PRKCA: variants seen among roughly 807,000 people sequenced by gnomAD.
PRKCA encodes the protein protein kinase C alpha type.
A neutral mutation model predicts 87.0 loss-of-function variants in PRKCA; 27 were observed. The ratio of observed to expected loss-of-function variants is 0.31; its 90% CI spans 0.23 to 0.43. The LOEUF is 0.43. Among genes scored for constraint, PRKCA ranks in the 20% least tolerant of loss-of-function variants. The probability of loss-of-function intolerance (pLI) is 1.00; values close to 1 mark genes in which losing one functional copy is unlikely to be tolerated. For synonymous variants in PRKCA, 329 were observed against 311.1 expected, an observed-to-expected ratio of 1.06 and a Z score of -0.61; for missense variants, 518 against 852.3, an observed-to-expected ratio of 0.61 and a Z score of 4.88.
chr17:66,441,632 AG>A (rs1390038155), intron 2 of PRKCA, among the ~76,000 whole-genome samples: 2 of 152,082 alleles, frequency 1.3e-5, no homozygotes, highest in East Asian at 3.9e-4. Context: ...ACCTCCTCTG[AG>A]TGGAAGTCAA....
At chr17:66,535,529 C>A (rs919568379) in intron 3 of PRKCA, among the ~76,000 whole-genome samples, 1 of 152,172 alleles carries the variant, frequency 6.6e-6, no homozygotes, top group African/African-American at 2.4e-5. Context: ...GGGTGGGTGT[C>A]CCCATCAGCT....
intron 3 of PRKCA, among the ~76,000 whole-genome samples, chr17:66,608,368 C>G (rs1598810688): frequency 6.6e-6 from 1 of 152,138 alleles, no homozygotes; most frequent in South Asian, 2.1e-4. Flanking sequence ...TCTCCAAAGC[C>G]TGCATTAAAC....
At chr17:66,384,381 CTCA>C (rs1250485877) in intron 2 of PRKCA, among the ~76,000 whole-genome samples, 4 of 152,116 alleles carry the variant, frequency 2.6e-5, no homozygotes, top group African/African-American at 9.7e-5. Context: ...GCTTTGGAAA[CTCA>C]TTAAAACCAG....
intron 2 of PRKCA, among the ~76,000 whole-genome samples, chr17:66,453,544 C>G (rs773790140): frequency 5.8e-4 from 88 of 152,216 alleles, no homozygotes; most frequent in Non-Finnish European, 9.7e-4. Context: ...TCTCGAACTC[C>G]TGACCTCAGG....
chr17:66,335,740 T>A (rs1365276728), intron 2 of PRKCA, among the ~76,000 whole-genome samples: 1 of 152,224 alleles, frequency 6.6e-6, no homozygotes, highest in Non-Finnish European at 1.5e-5. Context: ...TTTACCATTT[T>A]ATTTTTAGCC....
intron 2 of PRKCA, among the ~76,000 whole-genome samples, chr17:66,373,884 G>T (rs922603909): frequency 6.6e-6 from 1 of 152,176 alleles, no homozygotes; most frequent in Non-Finnish European, 1.5e-5. Flanking sequence ...CACTTGTTTA[G>T]CACCTACTTA....
At chr17:66,434,459 C>T (rs1038204338) in intron 2 of PRKCA, among the ~76,000 whole-genome samples, 5 of 152,080 alleles carry the variant, frequency 3.3e-5, no homozygotes, top group African/African-American at 1.2e-4. Flanking sequence ...CTTATAGATC[C>T]TGTCCTTGGG....
At chr17:66,561,294 T>G (rs11871468) in intron 3 of PRKCA, among the ~76,000 whole-genome samples, 27,192 of 152,166 alleles carry the variant, frequency 0.18, 2,844 homozygotes, top group African/African-American at 0.28. Flanking sequence ...TTAGCCTGTT[T>G]TAATGCATAA....
intron 2 of PRKCA, among the ~76,000 whole-genome samples, chr17:66,405,210 C>T (rs1205636327): frequency 3.3e-5 from 5 of 152,186 alleles, no homozygotes; most frequent in East Asian, 1.9e-4. Flanking sequence ...GCACTCCACA[C>T]GTGAGGCAGG....
chr17:66,341,423 A>G (rs1907038669), intron 2 of PRKCA, among the ~76,000 whole-genome samples: 1 of 152,222 alleles, frequency 6.6e-6, no homozygotes, highest in African/African-American at 2.4e-5. Flanking sequence ...GCTGTGAGAT[A>G]TCTTTCTGGA....
chr17:66,626,853 T>C (rs1192087756), intron 3 of PRKCA, among the ~76,000 whole-genome samples: 2 of 152,200 alleles, frequency 1.3e-5, no homozygotes, highest in Non-Finnish European at 2.9e-5. Context: ...AAGTGGCTAA[T>C]AGGAGAAACA....
chr17:66,427,728 G>A (rs1267032366), intron 2 of PRKCA, among the ~76,000 whole-genome samples: 1 of 152,194 alleles, frequency 6.6e-6, no homozygotes, highest in African/African-American at 2.4e-5. Context: ...ATAACATCAA[G>A]TGCAGATTTG....
chr17:66,694,480 C>CAAAAAAA (rs57941055), intron 8 of PRKCA, among the ~76,000 whole-genome samples: 4 of 35,214 alleles, frequency 1.1e-4, no homozygotes, highest in African/African-American at 5.4e-4. Context: ...GACTCTGTCT[C>CAAAAAAA]AAAAAAAAAA....
chr17:66,667,736 G>A (rs1972077859), intron 5 of PRKCA, among the ~76,000 whole-genome samples: 1 of 152,184 alleles, frequency 6.6e-6, no homozygotes, highest in Non-Finnish European at 1.5e-5. Flanking sequence ...CTGATGGTAG[G>A]CAGCTTAGAT....
intron 13 of PRKCA, among the ~76,000 whole-genome samples, chr17:66,763,972 C>A (rs1053329190): frequency 9.9e-5 from 15 of 152,124 alleles, no homozygotes; most frequent in Admixed American, 2.0e-4. Context: ...GTAAACTGGG[C>A]GAGTACCCAC....
rs537685506 is a variant in PRKCA at position 66,615,287 on chromosome 17, G to A, written c.289-26068G>A. Among the ~76,000 whole-genome samples, 97 of 152,240 alleles carry A rather than the reference G, an allele frequency of 6.4e-4. 1 individual carries two copies. The South Asian group carries it at 0.019, about 29-fold the overall frequency. On this transcript the variant is annotated intron_variant, in intron 3 of 16. Coordinates refer to ENST00000413366, the MANE Select transcript of PRKCA (RefSeq NM_002737.3). Reference sequence around the variant, plus strand: ...AATGTTTTCTTCTGTTTCAGGCCTCGGTGTGCCCAGCTCAAATGAGGGTTC... The same window carrying A: ...AATGTTTTCTTCTGTTTCAGGCCTCAGTGTGCCCAGCTCAAATGAGGGTTC...
At chr17:66,405,992 G>A (rs1220172903) in intron 2 of PRKCA, among the ~76,000 whole-genome samples, 2 of 152,180 alleles carry the variant, frequency 1.3e-5, no homozygotes, top group Non-Finnish European at 2.9e-5. Flanking sequence ...AAAAAATGTG[G>A]CTTCCTTCCC....
chr17:66,373,052 CCTT>C (rs894862621), intron 2 of PRKCA, among the ~76,000 whole-genome samples: 3 of 151,878 alleles, frequency 2.0e-5, no homozygotes, highest in African/African-American at 7.3e-5. Flanking sequence ...GAGTGAGACT[CCTT>C]CTCAAAAAAG....
chr17:66,528,048 A>T (rs576193476), intron 3 of PRKCA, among the ~76,000 whole-genome samples: 42 of 152,136 alleles, frequency 2.8e-4, no homozygotes, highest in African/African-American at 9.9e-4. Context: ...TCTACTAAAA[A>T]TACAAGAATT....
Sources: gnomAD v4.1 joint callset for allele counts (sites outside exome capture counted in the v4.1 genomes callset) on GRCh38, gnomAD v4.1.1 for gene constraint, MANE v1.5 for transcripts, NCBI Gene and HGNC (gene_info 2026-07-23, HGNC 2026-07-21) for gene names.